Variants in NSD3 observed in about 807,000 individuals in gnomAD.
NSD3 encodes nuclear receptor binding SET domain protein 3.
A neutral mutation model predicts 160.8 loss-of-function variants in NSD3; 24 were observed. The ratio of observed to expected loss-of-function variants is 0.15; its 90% CI spans 0.11 to 0.21. NSD3 has a LOEUF of 0.21. Among genes scored for constraint, NSD3 ranks in the 10% least tolerant of loss-of-function variants. NSD3 has a pLI of 1.00. For missense variants in NSD3, 1,157 were observed against 1,735.9 expected (o/e 0.67, Z 5.93); for synonymous variants, 520 against 600.0 (o/e 0.87, Z 1.95).
intron 1 of NSD3, among the ~76,000 whole-genome samples, chr8:38,356,809 A>G (rs1810835103): frequency 6.6e-6 from 1 of 152,020 alleles, no homozygotes; most frequent in Admixed American, 6.6e-5. Flanking sequence ...TAGAAACTTT[A>G]TATTTAATTA....
intron 10 of NSD3, 77 bp from the exon 11 acceptor site, chr8:38,315,621 G>A: frequency 3.2e-6 from 5 of 1,569,344 alleles, no homozygotes; most frequent in Non-Finnish European, 4.3e-6. Flanking sequence ...GAAAATCCTA[G>A]TAAGACTTGC....
chr8:38,284,811 T>A (rs1808820569), intron 19 of NSD3, among the ~76,000 whole-genome samples: 1 of 152,226 alleles, frequency 6.6e-6, no homozygotes. Flanking sequence ...TTTTGTGACT[T>A]TAAAAGCTTG....
chr8:38,279,346 T>G lies in NSD3; in HGVS notation c.3760+194A>C, dbSNP rs193181185. Among the ~76,000 whole-genome samples the G allele has an allele frequency of 3.5e-3, 529 of 152,326 alleles. 4 individuals are homozygous for G. Among genetic ancestry groups the G allele is most frequent in the Non-Finnish European group, 5.1e-3 (349 of 68,036 alleles). On this transcript the variant is annotated intron_variant, in intron 21 of 23. Coordinates refer to ENST00000317025, the MANE Select transcript of NSD3 (RefSeq NM_023034.2). ...TAAATTCCCTTTTGAGGTTATAGATTTTTACCTCTCACTGGCAGCTAACAC... is the reference window on the plus strand; with the variant it reads ...TAAATTCCCTTTTGAGGTTATAGATGTTTACCTCTCACTGGCAGCTAACAC...
intron 4 of NSD3, among the ~76,000 whole-genome samples, chr8:38,336,829 G>A (rs1048480545): frequency 5.9e-5 from 9 of 152,296 alleles, no homozygotes; most frequent in Middle Eastern, 3.4e-3. Flanking sequence ...ATGACTATCA[G>A]TATTTCACTG....
rs772526501 is a variant in NSD3 at position 38,288,756 on chromosome 8, C to T, written c.3232G>A (p.Ala1078Thr). Reference sequence around the variant, plus strand: ...TGCACCTTTCCTATTACTTTGTTAGCCTAGAAAACAAAATCGCAAGCGAGA... The same window carrying T: ...TGCACCTTTCCTATTACTTTGTTAGTCTAGAAAACAAAATCGCAAGCGAGA... Reference protein sequence around the residue: ...RKPPPYKHIKANKVIGKVQIQ... With the variant: ...RKPPPYKHIKTNKVIGKVQIQ... The change falls in exon 19 of 24, where the codon GCT (alanine) becomes ACT (threonine). Residue 1078 changes from alanine (A) to threonine (T), a missense_variant and splice_region_variant. Coordinates refer to ENST00000317025, the MANE Select transcript of NSD3 (RefSeq NM_023034.2). This position sits in a 1 kb window ranked among gnomAD's most constrained non-coding sequence, Gnocchi z 4.5. 6.2e-7 allele frequency: 1 copy of T among 1,609,992 alleles called. No homozygotes were observed. Among genetic ancestry groups the T allele is most frequent in the East Asian group, 2.2e-5 (1 of 44,748 alleles).
intron 7 of NSD3, among the ~76,000 whole-genome samples, chr8:38,323,653 T>C (rs1255052495): frequency 3.3e-5 from 5 of 151,682 alleles, no homozygotes; most frequent in Middle Eastern, 3.4e-3. Context: ...CACTCATCTC[T>C]ACAAAAAATA....
intron 1 of NSD3, among the ~76,000 whole-genome samples, chr8:38,354,485 G>A (rs761781939): frequency 1.1e-4 from 17 of 152,286 alleles, no homozygotes; most frequent in Non-Finnish European, 1.8e-4. Context: ...TTAATTTCAA[G>A]GTTCTGATAA....
At position 38,316,680 on chromosome 8, in the gene NSD3, G is replaced by A. The variant is rs1809673274; in HGVS notation, c.1856-638C>T. ...CATGCCATTTAGAAGGCACATTGCT[G>A]AGGGCTGTAAATGGACAATCAGTGT... On this transcript the variant is annotated intron_variant, in intron 9 of 23. Coordinates refer to ENST00000317025, the MANE Select transcript of NSD3 (RefSeq NM_023034.2). This position sits in a 1 kb window ranked among gnomAD's most constrained non-coding sequence, Gnocchi z 4.5. 9.5e-7 allele frequency: 1 copy of A among 1,054,972 alleles called. No individual in the cohort carries two copies. The highest frequency in any genetic ancestry group is 1.7e-5 in the African/African-American group (1 of 60,466). The allele number at this position is 1,054,972 out of a possible 1,614,324, so 65.4% of individuals were successfully genotyped here. A position where few individuals can be genotyped will look rare whatever the true frequency, so the allele number is the denominator to read the frequency against.
In NSD3 at chr8:38,326,825, C is replaced by G; in HGVS notation, c.1613G>C (p.Arg538Thr). The G allele has an allele frequency of 6.2e-7, 1 of 1,613,866 alleles. No homozygotes were observed. ...AGAAATTATAAGCCTGTCTTGCCCCCTGACACTTATTTCTGTTTTGTTACC... is the reference window on the plus strand; with the variant it reads ...AGAAATTATAAGCCTGTCTTGCCCCGTGACACTTATTTCTGTTTTGTTACC... ...GIGNKTEISV[R>T]GQDRLIISTP... The change falls in exon 7 of 24, where the codon AGG (arginine) becomes ACG (threonine). Residue 538 changes from arginine (R) to threonine (T), a missense_variant. Coordinates refer to ENST00000317025, the MANE Select transcript of NSD3 (RefSeq NM_023034.2).
At chr8:38,285,262 A>C (rs1421523890) in intron 19 of NSD3, among the ~76,000 whole-genome samples, 1 of 152,222 alleles carries the variant, frequency 6.6e-6, no homozygotes, top group Non-Finnish European at 1.5e-5. Flanking sequence ...AATATTTAAT[A>C]CCTTAAAATT....
chr8:38,322,053 T>A (rs1809804984), intron 7 of NSD3, among the ~76,000 whole-genome samples: 1 of 152,188 alleles, frequency 6.6e-6, no homozygotes, highest in Non-Finnish European at 1.5e-5. Flanking sequence ...CACCTACGTA[T>A]TCCTTCCTAA....
At chr8:38,276,857 G>T (rs561318506) in intron 22 of NSD3, among the ~76,000 whole-genome samples, 2 of 152,064 alleles carry the variant, frequency 1.3e-5, no homozygotes, top group South Asian at 4.2e-4. Context: ...GCTAATTTTT[G>T]TAATTTTTTT....
chr8:38,355,391 T>C (rs1316642473), intron 1 of NSD3, among the ~76,000 whole-genome samples: 1 of 148,998 alleles, frequency 6.7e-6, no homozygotes, highest in East Asian at 2.0e-4. Context: ...ATGCTGGGCA[T>C]ACAGAACTGC....
At chr8:38,295,670 T>TC (rs1809117893) in intron 16 of NSD3, 126 bp downstream of exon 16, 1 of 819,694 alleles carries the variant, frequency 1.2e-6, no homozygotes. Flanking sequence ...GTTCTTTTCT[T>TC]TTTTTTTTTT....
intron 1 of NSD3, among the ~76,000 whole-genome samples, chr8:38,351,146 G>C (rs1040894880): frequency 7.3e-5 from 11 of 149,892 alleles, no homozygotes; most frequent in African/African-American, 2.2e-4. Context: ...TATTTTTTTT[G>C]TATTTTTTTT....
At chr8:38,337,660 T>C in intron 3 of NSD3, 193 bp from the exon 4 acceptor site, 1 of 374,246 alleles carries the variant, frequency 2.7e-6, no homozygotes, top group East Asian at 4.0e-5. Context: ...TGTAATTTTA[T>C]CTTCAATTAT....
intron 12 of NSD3, among the ~76,000 whole-genome samples, chr8:38,308,503 T>C (rs1248427296): frequency 6.6e-6 from 1 of 152,170 alleles, no homozygotes; most frequent in African/African-American, 2.4e-5. Flanking sequence ...GTTTAATAAA[T>C]AAACTACTCT....
chr8:38,360,353 T>G (rs1411143516), intron 1 of NSD3, among the ~76,000 whole-genome samples: 1 of 152,216 alleles, frequency 6.6e-6, no homozygotes, highest in African/African-American at 2.4e-5. Context: ...CCATTATATA[T>G]TAATTGTATA....
chr8:38,381,748 A>G (rs777644803), intron 1 of NSD3, 51 bp downstream of exon 1: 422 of 38,782 alleles, frequency 0.011, 3 homozygotes, highest in Admixed American at 0.019. Flanking sequence ...GCGCGCGCGC[A>G]CACACACACA....
Sources: gnomAD v4.1 joint callset for allele counts (sites outside exome capture counted in the v4.1 genomes callset) on GRCh38, gnomAD v4.1.1 for gene constraint, Gnocchi (gnomAD v3.1) non-coding constraint, MANE v1.5 for transcripts, NCBI Gene and HGNC (gene_info 2026-07-23, HGNC 2026-07-21) for gene names.